The following CR2 variants were observed in gnomAD, a reference collection of about 807,000 sequenced individuals.
The protein encoded by CR2 is complement receptor type 2.
Under a neutral mutation model 123.0 loss-of-function variants are expected in CR2, and 96 were observed. That is an observed-to-expected ratio of 0.78 (90% CI 0.66 to 0.93). The LOEUF is 0.93. Ranked by LOEUF, CR2 falls within the 40% of genes least tolerant of loss-of-function variation. The pLI, the probability that CR2 is intolerant of heterozygous loss-of-function variation, is 0.00. For synonymous variants in CR2, 484 were observed against 469.5 expected, an observed-to-expected ratio of 1.03 and a Z score of -0.40; for missense variants, 1,258 against 1,361.0, an observed-to-expected ratio of 0.92 and a Z score of 1.19.
intron 1 of CR2, among the ~76,000 whole-genome samples, chr1:207,466,173 C>T (rs1365866750): frequency 6.6e-6 from 1 of 152,108 alleles, no homozygotes; most frequent in African/African-American, 2.4e-5. Flanking sequence ...CTCAAATTTC[C>T]CTAATCCATG....
intron 18 of CR2, among the ~76,000 whole-genome samples, chr1:207,482,861 G>A (rs1201181667): frequency 6.6e-6 from 1 of 151,482 alleles, no homozygotes; most frequent in African/African-American, 2.4e-5. Context: ...TGTGTTGTGA[G>A]AACTACATAA....
chr1:207,471,547 CATTT>C, intron 9 of CR2, 48 bp downstream of exon 9: 1 of 1,327,276 alleles, frequency 7.5e-7, no homozygotes, highest in Non-Finnish European at 1.1e-6. Flanking sequence ...GAGATCTATA[CATTT>C]CCTGGGAGAT....
rs1193574112 is a variant in CR2, at chr1:207,478,056, C to T, written c.3074C>T (p.Ala1025Val). 1.2e-5 allele frequency: 20 copies of T among 1,613,538 alleles called. No individual in the cohort carries two copies. Among genetic ancestry groups the T allele is most frequent in the South Asian group, 4.4e-5 (4 of 91,028 alleles). Residue 1025 changes from alanine (A) to valine (V), a missense_variant, in exon 16 of 20, where the codon GCG becomes GTG. Coordinates refer to ENST00000367057, the MANE Select transcript of CR2 (RefSeq NM_001006658.3). ...GATCACCAATGGAACCCTCCCCTGG[C>T]GGTTTGCAGATCCCGTAAGTACCAA... ...QSDHQWNPPL[A>V]VCRSRSLAPV...
intron 1 of CR2, among the ~76,000 whole-genome samples, chr1:207,464,551 T>C (rs1558188255): frequency 6.6e-6 from 1 of 152,226 alleles, no homozygotes; most frequent in African/African-American, 2.4e-5. Context: ...GATAATCAAG[T>C]TGATGTCTGG....
chr1:207,466,504 A>G (rs758336148), intron 1 of CR2, 22 bp from the exon 2 acceptor site: 4 of 1,613,732 alleles, frequency 2.5e-6, no homozygotes, highest in Non-Finnish European at 3.4e-6. Flanking sequence ...TATGCCTACC[A>G]AGTTCCTTTT....
chr1:207,471,372 T>C, intron 8 of CR2, 51 bp from the exon 9 acceptor site: 4 of 1,403,618 alleles, frequency 2.8e-6, no homozygotes, highest in Non-Finnish European at 4.0e-6. Flanking sequence ...GGCTCTTGCC[T>C]AACTTAATGG....
At chr1:207,479,188 A>C (rs748660941) in intron 16 of CR2, 69 bp from the exon 17 acceptor site, 7 of 1,229,538 alleles carry the variant, frequency 5.7e-6, no homozygotes, top group Middle Eastern at 1.9e-4. Context: ...CATTACCATG[A>C]AACGTGGGGC....
At chr1:207,470,227 C>A in intron 6 of CR2, 125 bp downstream of exon 6, 2 of 1,061,070 alleles carry the variant, frequency 1.9e-6, no homozygotes, top group South Asian at 3.0e-5. Context: ...TACATCTAAT[C>A]AATATAAATT....
Position 207,473,904 on chromosome 1 carries a change from A to C in CR2, c.2240+19A>C. 1 of 1,610,056 alleles carries C rather than the reference A, an allele frequency of 6.2e-7. No individual in the cohort carries two copies. The highest frequency in any genetic ancestry group is 1.1e-5 in the South Asian group (1 of 91,012). The stretch of plus-strand genomic sequence containing the variant: ...AAGATGGGTGAGTATGAAGTGGTCT[A>C]TTCTGAGAAAAGGTCTCAACCTTGT... On this transcript the variant is annotated intron_variant, in intron 12 of 19. Transcript: ENST00000367057.
chr1:207,473,445 G>A (rs1658345227), intron 10 of CR2, 100 bp from the exon 11 acceptor site: 1 of 1,302,728 alleles, frequency 7.7e-7, no homozygotes, highest in South Asian at 1.2e-5. Flanking sequence ...ATGATCTTTG[G>A]CATCAGAGTT....
At position 207,454,540 on chromosome 1, in the gene CR2, C is replaced by G; in HGVS notation, c.58+64C>G. The stretch of plus-strand genomic sequence containing the variant: ...CCGGGCAGGGAAAGTTTCTGTGCCG[C>G]GATGCAAAGCAGGGGGCCAAAAGCG... On this transcript the variant is annotated intron_variant, in intron 1 of 19. Transcript: ENST00000367057. This position sits in a 1 kb window ranked among gnomAD's most constrained non-coding sequence, Gnocchi z 4.3. 1.6e-6 allele frequency: 2 copies of G among 1,272,604 alleles called. No homozygotes were observed. The highest frequency in any genetic ancestry group is 2.1e-6 in the Non-Finnish European group (2 of 932,594). 78.8% of individuals were successfully genotyped at this position (1,272,604 alleles called of 1,614,324 possible).
chr1:207,476,071 C>A (rs1350811777), intron 14 of CR2, among the ~76,000 whole-genome samples, 163 bp from the exon 15 acceptor site: 1 of 152,162 alleles, frequency 6.6e-6, no homozygotes, highest in East Asian at 1.9e-4. Context: ...AAATGCAGAT[C>A]TCCATCCAGT....
chr1:207,469,767 A>G lies in CR2; in HGVS notation c.890A>G (p.Tyr297Cys), dbSNP rs780465137. ...GGCAACTCACTAGCAAATGTCTCAT[A>G]TGGAAGCATAGTCACTTACACTTGT... ...HIGNSLANVS[Y>C]GSIVTYTCDP... Residue 297 changes from tyrosine to cysteine, a missense_variant, in exon 6 of 20, where the codon TAT becomes TGT. By Grantham distance (194) the Tyr-to-Cys change is radical. Coordinates refer to ENST00000367057, the MANE Select transcript of CR2 (RefSeq NM_001006658.3). The G allele has an allele frequency of 6.8e-6, 11 of 1,613,842 alleles. No homozygotes were observed. Among genetic ancestry groups the G allele is most frequent in the Non-Finnish European group, 9.3e-6 (11 of 1,179,912 alleles).
intron 19 of CR2, among the ~76,000 whole-genome samples, chr1:207,487,904 T>C (rs1658792128): frequency 6.6e-6 from 1 of 152,228 alleles, no homozygotes; most frequent in Non-Finnish European, 1.5e-5. Context: ...TCTCTTCCGA[T>C]GATTCAGTCT....
intron 19 of CR2, among the ~76,000 whole-genome samples, chr1:207,486,573 T>TAAGAAC (rs1422704594): frequency 7.0e-6 from 1 of 143,004 alleles, no homozygotes; most frequent in East Asian, 2.1e-4. Flanking sequence ...AACTGCTGTG[T>TAAGAAC]TAAGAACAGA....
At position 207,473,833 on chromosome 1, in the gene CR2, G is replaced by C; in HGVS notation, c.2188G>C (p.Glu730Gln). 6.2e-7 allele frequency: 1 copy of C among 1,613,994 alleles called. No individual in the cohort carries two copies. The highest frequency in any genetic ancestry group is 1.7e-4 in the Middle Eastern group (1 of 6,060). ...CCAGCATGTGAGACAGAGTCTTCAA[G>C]AACTTCCAGCTGGTTCACGTGTGGA... is the stretch of plus-strand genomic sequence containing the variant. ...TCQHVRQSLQ[E>Q]LPAGSRVELV... Residue 730 changes from glutamate (E) to glutamine (Q), a missense_variant, in exon 12 of 20, where the codon GAA becomes CAA. Transcript: ENST00000367057.
chr1:207,483,767 C>T (rs1021609408), intron 18 of CR2, among the ~76,000 whole-genome samples: 6 of 151,986 alleles, frequency 3.9e-5, no homozygotes, highest in South Asian at 2.1e-4. Context: ...ATGAGGAGTT[C>T]GGTTCTGACC....
rs964752366 is a variant in CR2 at position 207,454,617 on chromosome 1, G to C, written c.58+141G>C. 56 of 673,532 alleles carry C rather than the reference G, an allele frequency of 8.3e-5. No individual in the cohort carries two copies. The highest frequency in any genetic ancestry group is 1.0e-4 in the Non-Finnish European group (42 of 409,290). 41.7% of individuals were successfully genotyped at this position (673,532 alleles called of 1,614,324 possible). A position where few individuals can be genotyped will look rare whatever the true frequency, so the allele number is the denominator to read the frequency against. ...TGTCCGCCTCCCGCTAGCTTTGAGGGACCACTGCAATAAACCGCCTGGTCC... is the reference window on the plus strand; with the variant it reads ...TGTCCGCCTCCCGCTAGCTTTGAGGCACCACTGCAATAAACCGCCTGGTCC... On this transcript the variant is annotated intron_variant, in intron 1 of 19. Coordinates refer to ENST00000367057, the MANE Select transcript of CR2 (RefSeq NM_001006658.3). The surrounding 1 kb of genome is among the most constrained non-coding windows in gnomAD (Gnocchi z 4.3).
Position 207,472,647 on chromosome 1 carries a change from A to AT in CR2, c.1571-124dup. The AT allele has an allele frequency of 4.4e-6, 4 of 912,780 alleles. No homozygotes were observed. In the South Asian group the frequency reaches 6.1e-5, roughly 14 times the overall value. The allele number at this position is 912,780 out of a possible 1,614,324, so 56.5% of individuals were successfully genotyped here. Reference sequence around the variant, plus strand: ...CTTAATGAGCTTTCACACAACTCACATCATGAAAATGTACCCATACCGTCC... The same window carrying AT: ...CTTAATGAGCTTTCACACAACTCACATTCATGAAAATGTACCCATACCGTCC... On this transcript the variant is annotated intron_variant, in intron 9 of 19. Transcript: ENST00000367057.
Sources: gnomAD v4.1 joint callset for allele counts (sites outside exome capture counted in the v4.1 genomes callset) on GRCh38, gnomAD v4.1.1 for gene constraint, Gnocchi (gnomAD v3.1) non-coding constraint, MANE v1.5 for transcripts, NCBI Gene and HGNC (gene_info 2026-07-23, HGNC 2026-07-21) for gene names.